Variants in ATP9A observed in about 807,000 individuals in gnomAD.
ATP9A encodes ATPase phospholipid transporting 9A.
ATP9A carries 52 observed loss-of-function variants against 144.1 expected under a neutral mutation model. The observed-to-expected ratio is 0.36, with a 90% CI of 0.29 to 0.45. ATP9A has a LOEUF of 0.45. ATP9A is among the 20% of genes least tolerant of loss of function. ATP9A has a pLI of 1.00. For missense variants in ATP9A, 947 were observed against 1,392.7 expected (o/e 0.68, Z 5.09); for synonymous variants, 582 against 557.4 (o/e 1.04, Z -0.62).
rs368371080 is a variant in ATP9A at position 51,654,652 on chromosome 20, G to T, written c.1506+2286C>A. Among the ~76,000 whole-genome samples, 11 of 152,244 alleles carry T rather than the reference G, an allele frequency of 7.2e-5. 1 individual carries two copies. In the South Asian group the frequency reaches 2.3e-3, roughly 32 times the overall value. ...AGGTGGGAGGATGGCTCATACCCAC[G>T]AGTTCAGGGCTGCAGTGAGCCATGA... On this transcript the variant is annotated intron_variant, in intron 14 of 27. Coordinates refer to ENST00000338821, the MANE Select transcript of ATP9A (RefSeq NM_006045.3).
chr20:51,612,465 C>A lies in ATP9A; in HGVS notation c.2571+1212G>T, dbSNP rs2077188419. Among the ~76,000 whole-genome samples, 3 of 152,190 alleles carry A rather than the reference C, an allele frequency of 2.0e-5. No homozygotes were observed. The South Asian group carries it at 6.2e-4, about 31-fold the overall frequency. ...TTTGAGATGGAGTCTCACTCTGTTG[C>A]CCAGGCTGGAGTGCAGTGGCGCAAT... is the stretch of plus-strand genomic sequence containing the variant. On this transcript the variant is annotated intron_variant, in intron 23 of 27. Transcript: ENST00000338821.
chr20:51,760,682 C>A (rs113429641), intron 1 of ATP9A, among the ~76,000 whole-genome samples: 2 of 147,224 alleles, frequency 1.4e-5, no homozygotes, highest in African/African-American at 2.5e-5. Context: ...GCCAAGATCA[C>A]GCCACTGCAC....
At position 51,754,880 on chromosome 20, in the gene ATP9A, G is replaced by A. The variant is rs181625690; in HGVS notation, c.68+13422C>T. Among the ~76,000 whole-genome samples, 750 of 149,800 alleles carry A rather than the reference G, an allele frequency of 5.0e-3. 7 individuals are homozygous for A. The highest frequency in any genetic ancestry group is 0.025 in the Middle Eastern group (7 of 276). The stretch of plus-strand genomic sequence containing the variant: ...TGTAATCCCAGCACTTTGGGAGGCC[G>A]AGGTGGATCACTTGAGATCAGGAGT... On this transcript the variant is annotated intron_variant, in intron 1 of 27. Coordinates refer to ENST00000338821, the MANE Select transcript of ATP9A (RefSeq NM_006045.3).
Position 51,608,499 on chromosome 20 carries a change from A to G in ATP9A, c.2745+19T>C. On this transcript the variant is annotated intron_variant, in intron 25 of 27. Transcript: ENST00000338821. ...CAAAGGAGGAAAGGAGGAAGGAGGG[A>G]CTGAAAAGCTAACAGAACCTTGAGA... The G allele has an allele frequency of 6.8e-7, 1 of 1,473,482 alleles. No individual in the cohort carries two copies. 91.3% of individuals were successfully genotyped at this position (1,473,482 alleles called of 1,614,324 possible).
intron 9 of ATP9A, among the ~76,000 whole-genome samples, chr20:51,687,137 G>A (rs931929115): frequency 6.6e-6 from 1 of 152,170 alleles, no homozygotes; most frequent in Non-Finnish European, 1.5e-5. Flanking sequence ...TGACATGGGT[G>A]GAAAGTGGCA....
At chr20:51,642,014 A>AT (rs2077321595) in intron 14 of ATP9A, among the ~76,000 whole-genome samples, 1 of 150,172 alleles carries the variant, frequency 6.7e-6, no homozygotes, top group African/African-American at 2.5e-5. Flanking sequence ...TTCTTTCTTG[A>AT]TTTTTTGTAG....
At chr20:51,622,200 G>T in intron 18 of ATP9A, 28 bp from the exon 19 acceptor site, 1 of 1,595,184 alleles carries the variant, frequency 6.3e-7, no homozygotes, top group Non-Finnish European at 8.6e-7. Flanking sequence ...CAGAGGTCCT[G>T]TTTATTAGTT....
At chr20:51,700,286 T>C (rs914998688) in intron 4 of ATP9A, among the ~76,000 whole-genome samples, 24 of 152,086 alleles carry the variant, frequency 1.6e-4, no homozygotes, top group Admixed American at 8.5e-4. Context: ...TTTGGGAGGC[T>C]GAGACAGGTG....
intron 23 of ATP9A, 110 bp from the exon 24 acceptor site, chr20:51,610,275 G>A (rs536812427): frequency 3.8e-6 from 3 of 787,442 alleles, no homozygotes; most frequent in African/African-American, 3.5e-5. Flanking sequence ...CGGCACTGCT[G>A]TAAGGTACTT....
At chr20:51,767,624 C>T (rs1297990206) in intron 1 of ATP9A, among the ~76,000 whole-genome samples, 17 of 152,218 alleles carry the variant, frequency 1.1e-4, no homozygotes, top group Admixed American at 1.1e-3. Flanking sequence ...GGTGGCAGCC[C>T]CTGTCCCAGC....
At chr20:51,763,415 C>T (rs1222551024) in intron 1 of ATP9A, among the ~76,000 whole-genome samples, 1 of 151,572 alleles carries the variant, frequency 6.6e-6, no homozygotes, top group East Asian at 1.9e-4. Context: ...TGGGTTCACG[C>T]CATTCTCCTG....
Position 51,763,517 on chromosome 20 carries a change from G to A in ATP9A, c.68+4785C>T, listed in dbSNP as rs2077891072. On this transcript the variant is annotated intron_variant, in intron 1 of 27. Transcript: ENST00000338821. ...TTAGTAGAGATGGGGTTTCACTTGT[G>A]TTAGCCAGGATGGTCTGGATCTCCT... Among the ~76,000 whole-genome samples the A allele has an allele frequency of 5.3e-5, 8 of 151,844 alleles. No individual in the cohort carries two copies. The South Asian group carries it at 1.2e-3, about 24-fold the overall frequency.
intron 3 of ATP9A, among the ~76,000 whole-genome samples, chr20:51,724,212 T>C (rs1294860495): frequency 2.6e-5 from 4 of 152,144 alleles, no homozygotes; most frequent in African/African-American, 9.7e-5. Flanking sequence ...ATGAGATTTA[T>C]GAACAGAGAA....
intron 1 of ATP9A, among the ~76,000 whole-genome samples, chr20:51,760,725 C>CAAAA (rs397864467): frequency 9.5e-6 from 1 of 105,464 alleles, no homozygotes; most frequent in African/African-American, 3.6e-5. Context: ...GACTCCGTCT[C>CAAAA]AAAAAAAAAA....
chr20:51,689,023 C>T, intron 9 of ATP9A, 41 bp downstream of exon 9: 1 of 1,595,914 alleles, frequency 6.3e-7, no homozygotes, highest in Non-Finnish European at 8.6e-7. Context: ...ATTTTCTTTC[C>T]TTTTCAAATT....
At chr20:51,681,427 C>CTGT (rs1555836241) in intron 9 of ATP9A, among the ~76,000 whole-genome samples, 1 of 131,636 alleles carries the variant, frequency 7.6e-6, no homozygotes, top group Non-Finnish European at 1.6e-5. Flanking sequence ...TCCTAAATTT[C>CTGT]TTTTTTTTTT....
chr20:51,631,860 C>T lies in ATP9A; in HGVS notation c.1669-2788G>A, dbSNP rs531089401. ...AACCTTCCTGCAAAAAGACATCACACGAGTCCTTCTCCAACCTTGCCTGAT... is the reference window on the plus strand; with the variant it reads ...AACCTTCCTGCAAAAAGACATCACATGAGTCCTTCTCCAACCTTGCCTGAT... On this transcript the variant is annotated intron_variant, in intron 15 of 27. Transcript: ENST00000338821. Among the ~76,000 whole-genome samples the T allele has an allele frequency of 5.3e-5, 8 of 152,260 alleles. No individual in the cohort carries two copies. The East Asian group carries it at 5.8e-4, about 11-fold the overall frequency.
intron 1 of ATP9A, among the ~76,000 whole-genome samples, chr20:51,763,281 C>T (rs954425293): frequency 6.6e-6 from 1 of 151,086 alleles, no homozygotes; most frequent in Non-Finnish European, 1.5e-5. Context: ...TAACTCCATA[C>T]ACCTGGTTTT....
chr20:51,737,981 G>A (rs2077769450), intron 1 of ATP9A, among the ~76,000 whole-genome samples: 1 of 151,826 alleles, frequency 6.6e-6, no homozygotes, highest in Admixed American at 6.6e-5. Context: ...TTGAGCCCAG[G>A]ATTTCGAATC....
Sources: allele counts gnomAD v4.1 joint callset (sites outside exome capture counted in the v4.1 genomes callset), GRCh38; gene constraint gnomAD v4.1.1; transcripts MANE v1.5; gene names NCBI Gene and HGNC (gene_info 2026-07-23, HGNC 2026-07-21).